The following MAPK10 variants were observed in gnomAD, a reference collection of about 807,000 sequenced individuals.
MAPK10 encodes the protein JNK3 alpha protein kinase.
MAPK10 carries 25 observed loss-of-function variants against 59.3 expected under a neutral mutation model. That is an observed-to-expected ratio of 0.42 (90% confidence interval 0.31 to 0.59). MAPK10 has a LOEUF of 0.59. MAPK10 is among the 20% of genes least tolerant of loss of function. The probability of loss-of-function intolerance (pLI) is 0.15; values close to 1 mark genes in which losing one functional copy is unlikely to be tolerated. For synonymous variants in MAPK10, 190 were observed against 200.5 expected (o/e 0.95, Z 0.44); for missense variants, 351 against 568.9 (o/e 0.62, Z 3.90).
At position 86,182,509 on chromosome 4, in the gene MAPK10, C is replaced by G. The variant is rs538746791; in HGVS notation, c.66+11827G>C. On this transcript the variant is annotated intron_variant, in intron 3 of 13. Transcript: ENST00000641462. ...AGATCTTTGAGTATTGTCTGTTGGG[C>G]AAAAAGTTGAGAGTAGCCTTAGCCA... Among the ~76,000 whole-genome samples, 603 of 152,024 alleles carry G rather than the reference C, an allele frequency of 4.0e-3. 1 individual carries two copies. Among genetic ancestry groups the G allele is most frequent in the Non-Finnish European group, 5.8e-3 (391 of 67,974 alleles).
intron 2 of MAPK10, among the ~76,000 whole-genome samples, chr4:86,203,438 C>T (rs552177582): frequency 1.2e-4 from 18 of 151,656 alleles, no homozygotes; most frequent in African/African-American, 4.3e-4. Context: ...AGAAGCTTCA[C>T]AAATGCAAAA....
At chr4:86,523,689 C>T (rs562508094) in intron 1 of MAPK10, among the ~76,000 whole-genome samples, 34 of 152,306 alleles carry the variant, frequency 2.2e-4, no homozygotes, top group Non-Finnish European at 3.7e-4. Flanking sequence ...GGATCAACCA[C>T]CTGGCATTCC....
intron 1 of MAPK10, among the ~76,000 whole-genome samples, chr4:86,490,216 C>T (rs1242946674): frequency 6.6e-6 from 1 of 152,100 alleles, no homozygotes; most frequent in Non-Finnish European, 1.5e-5. Context: ...AGAGTAAGAA[C>T]TACTGCAACA....
intron 11 of MAPK10, chr4:86,044,815 G>A (rs2042210970): frequency 1.0e-5 from 4 of 397,306 alleles, no homozygotes; most frequent in Admixed American, 4.4e-5. Flanking sequence ...AGTAAGATGA[G>A]TGACCTTGAG....
At chr4:86,295,970 G>T (rs1242659660) in intron 2 of MAPK10, among the ~76,000 whole-genome samples, 2 of 151,234 alleles carry the variant, frequency 1.3e-5, no homozygotes, top group Non-Finnish European at 2.9e-5. Flanking sequence ...GAGGTCAGGA[G>T]TTTGAGTCCG....
intron 2 of MAPK10, among the ~76,000 whole-genome samples, chr4:86,231,774 T>A (rs1039121011): frequency 1.3e-5 from 2 of 152,230 alleles, no homozygotes; most frequent in South Asian, 4.1e-4. Context: ...CAAAAATATA[T>A]GTTCTTAGGA....
In MAPK10 at chr4:86,014,998, G is replaced by A. The variant is rs1742746482; in HGVS notation, c.*2230C>T. Reference sequence around the variant, plus strand: ...AGTAAAGAATTAGAGATACAGAGAGGAGAAGTTTTTAAAAAAAAAAAAAAA... The same window carrying A: ...AGTAAAGAATTAGAGATACAGAGAGAAGAAGTTTTTAAAAAAAAAAAAAAA... On this transcript the variant is annotated 3_prime_UTR_variant, in exon 14 of 14. Transcript: ENST00000641462. The A allele has an allele frequency of 7.7e-6, 1 of 130,232 alleles. No homozygotes were observed. Among genetic ancestry groups the A allele is most frequent in the Non-Finnish European group, 1.6e-5 (1 of 63,254 alleles). The allele number at this position is 130,232 out of a possible 1,614,324, so 8.1% of individuals were successfully genotyped here.
At chr4:86,457,480 A>G (rs895394077), upstream of MAPK10, among the ~76,000 whole-genome samples, 2 of 152,244 alleles carry the variant, frequency 1.3e-5, no homozygotes, top group Admixed American at 6.5e-5. Context: ...AAAAATCAAC[A>G]TACACAAATC....
chr4:86,578,452 A>T (rs538156745), intron 1 of MAPK10, among the ~76,000 whole-genome samples: 1 of 152,350 alleles, frequency 6.6e-6, no homozygotes, highest in East Asian at 1.9e-4. Context: ...AGATAAAATC[A>T]GAAGAAAAAG....
chr4:86,108,751 G>A (rs954174791), intron 4 of MAPK10, among the ~76,000 whole-genome samples: 2 of 152,230 alleles, frequency 1.3e-5, no homozygotes, highest in African/African-American at 2.4e-5. Context: ...TTCCACTGAC[G>A]ACTGTTAGTC....
At chr4:86,179,740 A>G (rs995670754) in intron 3 of MAPK10, among the ~76,000 whole-genome samples, 1 of 152,130 alleles carries the variant, frequency 6.6e-6, no homozygotes, top group Non-Finnish European at 1.5e-5. Context: ...AAGAACATAC[A>G]TTGGGGAAGG....
rs567773548 is a variant in MAPK10 at position 86,251,309 on chromosome 4, A to G, written c.-6-56902T>C. On this transcript the variant is annotated intron_variant, in intron 2 of 13. Transcript: ENST00000641462. ...CATCTAGCATTAGGTATATCTACCAATGCTATCCCTCCCCCCTCCTCCCTC... is the reference window on the plus strand; with the variant it reads ...CATCTAGCATTAGGTATATCTACCAGTGCTATCCCTCCCCCCTCCTCCCTC... Among the ~76,000 whole-genome samples the G allele has an allele frequency of 1.2e-4, 19 of 152,142 alleles. No homozygotes were observed. The South Asian group carries it at 3.1e-3, about 25-fold the overall frequency.
At chr4:86,033,613 G>C (rs970520711) in intron 11 of MAPK10, among the ~76,000 whole-genome samples, 4 of 152,168 alleles carry the variant, frequency 2.6e-5, no homozygotes, top group Non-Finnish European at 1.5e-5. Context: ...AAAGTACATA[G>C]ACACTAATCA....
intron 3 of MAPK10, among the ~76,000 whole-genome samples, chr4:86,164,196 AT>A (rs2070810239): frequency 6.6e-6 from 1 of 152,144 alleles, no homozygotes; most frequent in Non-Finnish European, 1.5e-5. Context: ...AAACTATTTT[AT>A]TCTTTCATTT....
intron 1 of MAPK10, among the ~76,000 whole-genome samples, chr4:86,412,758 T>C (rs1745356981): frequency 1.3e-5 from 2 of 152,230 alleles, no homozygotes; most frequent in South Asian, 4.1e-4. Flanking sequence ...CATCGGGTCA[T>C]TTAAGGTCTT....
At chr4:86,075,941 T>A (rs1168607001) in intron 9 of MAPK10, among the ~76,000 whole-genome samples, 5 of 152,116 alleles carry the variant, frequency 3.3e-5, no homozygotes, top group Admixed American at 3.3e-4. Flanking sequence ...GTTTCCAGGC[T>A]GCTTTGTTTA....
At chr4:86,279,820 T>A (rs558489911) in intron 2 of MAPK10, among the ~76,000 whole-genome samples, 13 of 152,278 alleles carry the variant, frequency 8.5e-5, no homozygotes, top group South Asian at 4.1e-4. Context: ...TCCCCGCAAG[T>A]GGAAATCAGG....
chr4:86,469,169 G>T (rs1041617803), intron 1 of MAPK10, among the ~76,000 whole-genome samples: 1 of 151,496 alleles, frequency 6.6e-6, no homozygotes, highest in Non-Finnish European at 1.5e-5. Context: ...GGAAGCTGAG[G>T]TGGTTGTCCC....
intron 9 of MAPK10, among the ~76,000 whole-genome samples, chr4:86,071,375 G>C (rs1224370787): frequency 8.2e-6 from 1 of 121,328 alleles, no homozygotes; most frequent in Non-Finnish European, 1.8e-5. Context: ...TTCTTTTGCT[G>C]TGCAGAAGCT....
Sources: allele counts gnomAD v4.1 joint callset (sites outside exome capture counted in the v4.1 genomes callset), GRCh38; gene constraint gnomAD v4.1.1; transcripts MANE v1.5; gene names NCBI Gene and HGNC (gene_info 2026-07-23, HGNC 2026-07-21).